The following CTSA variants were observed in gnomAD, a reference collection of about 807,000 sequenced individuals.
The protein encoded by CTSA is lysosomal protective protein.
Under a neutral mutation model 66.7 loss-of-function variants are expected in CTSA, and 42 were observed. The observed-to-expected ratio is 0.63, with a 90% CI of 0.49 to 0.81. The LOEUF is 0.81. Among genes scored for constraint, CTSA ranks in the 40% least tolerant of loss-of-function variants. The pLI is 0.00. For synonymous variants in CTSA, 225 were observed against 248.6 expected (o/e 0.91, Z 0.89); for missense variants, 525 against 610.9 (o/e 0.86, Z 1.48).
Position 45,895,219 on chromosome 20 carries a change from T to C in CTSA, c.1088+86T>C, listed in dbSNP as rs932396988. The C allele has an allele frequency of 2.0e-6, 3 of 1,530,134 alleles. No homozygotes were observed. The African/African-American group carries it at 4.1e-5, about 21-fold the overall frequency. The allele number at this position is 1,530,134 out of a possible 1,614,324, so 94.8% of individuals were successfully genotyped here. On this transcript the variant is annotated intron_variant, in intron 11 of 14. Coordinates refer to ENST00000646241, the MANE Select transcript of CTSA (RefSeq NM_000308.4). Reference sequence around the variant, plus strand: ...GCAGGTTTCTCAGGGATCTTCTGTGTAGAGTTTCTCAATGAGATGAGCTGT... The same window carrying C: ...GCAGGTTTCTCAGGGATCTTCTGTGCAGAGTTTCTCAATGAGATGAGCTGT...
chr20:45,897,123 C>T, intron 12 of CTSA, 83 bp downstream of exon 12: 1 of 1,103,832 alleles, frequency 9.1e-7, no homozygotes, highest in South Asian at 1.2e-5. Context: ...TTGAGACTTC[C>T]TGTCAGGACA....
chr20:45,892,209 G>C, intron 3 of CTSA, 64 bp from the exon 4 acceptor site: 2 of 1,556,246 alleles, frequency 1.3e-6, no homozygotes, highest in Non-Finnish European at 1.8e-6. Context: ...TGCCTCTCAT[G>C]GTGGCCCTTT....
Position 45,891,565 on chromosome 20 carries a change from G to T in CTSA, c.1-4G>T. 6.2e-7 allele frequency: 1 copy of T among 1,603,176 alleles called. No individual in the cohort carries two copies. The highest frequency in any genetic ancestry group is 8.5e-7 in the Non-Finnish European group (1 of 1,178,262). On this transcript the variant is annotated splice_polypyrimidine_tract_variant and splice_region_variant and intron_variant, in intron 1 of 14. Transcript: ENST00000646241. This position sits in a 1 kb window ranked among gnomAD's most constrained non-coding sequence, Gnocchi z 4.6. ...GTCAACAGCCCCTCTGCTGCCTCCC[G>T]TAGATGATCCGAGCCGCGCCGCCGC...
Position 45,898,563 on chromosome 20 carries a change from G to GC in CTSA, c.*118dup. The GC allele has an allele frequency of 9.5e-7, 1 of 1,050,472 alleles. No individual in the cohort carries two copies. Among genetic ancestry groups the GC allele is most frequent in the Non-Finnish European group, 1.4e-6 (1 of 700,468 alleles). 65.1% of individuals were successfully genotyped at this position (1,050,472 alleles called of 1,614,324 possible). A position where few individuals can be genotyped will look rare whatever the true frequency, so the allele number is the denominator to read the frequency against. ...CAGGCCGGGTTCTGCCGCCAGGACTGCCCCCTTCCCAGAGCCCTGTACATC... is the reference window on the plus strand; with the variant it reads ...CAGGCCGGGTTCTGCCGCCAGGACTGCCCCCCTTCCCAGAGCCCTGTACATC... On this transcript the variant is annotated 3_prime_UTR_variant, in exon 15 of 15. Coordinates refer to ENST00000646241, the MANE Select transcript of CTSA (RefSeq NM_000308.4). The surrounding 1 kb of genome is among the most constrained non-coding windows in gnomAD (Gnocchi z 4.6).
rs746603944 is a variant in CTSA, at chr20:45,897,748, T to C, written c.1196T>C (p.Val399Ala). The change falls in exon 13 of 15, where the codon GTA (valine) becomes GCA (alanine). Residue 399 changes from valine (V) to alanine (A), a missense_variant. Coordinates refer to ENST00000646241, the MANE Select transcript of CTSA (RefSeq NM_000308.4). ...KYQILLYNGDVDMACNFMGDE... is the reference protein window; with the variant it reads ...KYQILLYNGDADMACNFMGDE... ...CAGATCCTATTATATAATGGAGATG[T>C]AGACATGGCCTGCAATTTCATGGGG... 2 of 1,612,192 alleles carry C rather than the reference T, an allele frequency of 1.2e-6. No homozygotes were observed. The highest frequency in any genetic ancestry group is 8.5e-7 in the Non-Finnish European group (1 of 1,178,312).
chr20:45,896,054 G>A (rs147108172), intron 11 of CTSA, among the ~76,000 whole-genome samples: 2 of 152,158 alleles, frequency 1.3e-5, no homozygotes, highest in Admixed American at 1.3e-4. Flanking sequence ...AATTAGCCAG[G>A]TGTGCTGTTG....
chr20:45,893,926 GCCT>G (rs1987102772), intron 7 of CTSA, 59 bp from the exon 8 acceptor site: 5 of 1,037,012 alleles, frequency 4.8e-6, no homozygotes, highest in South Asian at 1.3e-5. Flanking sequence ...GGGTATGCTC[GCCT>G]CCTCTGCCTT....
Position 45,895,128 on chromosome 20 carries a change from G to A in CTSA, c.1083G>A (p.Met361Ile). ...NIPEQLPQWD[M>I]CNFLVNLQYR... ...CGGAGCAGCTGCCACAATGGGACAT[G>A]TGCAAGTGAGGTTCCGTGGCCACCT... The change falls in exon 11 of 15, where the codon ATG becomes ATA. Residue 361 changes from methionine (M) to isoleucine (I), a missense_variant. Physicochemically the swap from Met to Ile is conservative, Grantham distance 10. Around this residue, in one of 3 missense-constraint regions of CTSA, gnomAD observed 274 missense variants for 321.1 expected, o/e 0.85. Transcript: ENST00000646241. 1 of 1,614,134 alleles carries A rather than the reference G, an allele frequency of 6.2e-7. No homozygotes were observed. Among genetic ancestry groups the A allele is most frequent in the Non-Finnish European group, 8.5e-7 (1 of 1,180,020 alleles).
intron 3 of CTSA, 123 bp downstream of exon 3, chr20:45,892,150 C>A: frequency 2.1e-6 from 3 of 1,423,434 alleles, no homozygotes; most frequent in South Asian, 1.1e-5. Flanking sequence ...TCCTCTATGC[C>A]ATTGGCTTTG....
At position 45,895,415 on chromosome 20, in the gene CTSA, G is replaced by C. The variant is rs147960902; in HGVS notation, c.1088+282G>C. On this transcript the variant is annotated intron_variant, in intron 11 of 14. Coordinates refer to ENST00000646241, the MANE Select transcript of CTSA (RefSeq NM_000308.4). ...AGCTCACTGCAGCCTCAAACTCATGGGCTCAAGCAATCCTCCCACCTCCCC... is the reference window on the plus strand; with the variant it reads ...AGCTCACTGCAGCCTCAAACTCATGCGCTCAAGCAATCCTCCCACCTCCCC... Among the ~76,000 whole-genome samples, 970 of 152,126 alleles carry C rather than the reference G, an allele frequency of 6.4e-3. 5 individuals carry two copies. The highest frequency in any genetic ancestry group is 0.021 in the African/African-American group (878 of 41,496).
In CTSA at chr20:45,891,567, A is replaced by G. The variant is rs979557944; in HGVS notation, c.1-2A>G. 6.2e-6 allele frequency: 10 copies of G among 1,603,066 alleles called. No individual in the cohort carries two copies. The African/African-American group carries it at 1.3e-4, about 22-fold the overall frequency. On this transcript the variant is annotated splice_acceptor_variant, in intron 1 of 14. Transcript: ENST00000646241. LOFTEE classifies it low-confidence loss of function (5UTR_SPLICE). This position sits in a 1 kb window ranked among gnomAD's most constrained non-coding sequence, Gnocchi z 4.6. ...CAACAGCCCCTCTGCTGCCTCCCGT[A>G]GATGATCCGAGCCGCGCCGCCGCCG...
intron 6 of CTSA, 156 bp from the exon 7 acceptor site, chr20:45,893,064 C>G: frequency 1.1e-6 from 1 of 934,600 alleles, no homozygotes; most frequent in Non-Finnish European, 1.7e-6. Context: ...AGGCTGCCAG[C>G]TCTGTGTTTT....
Position 45,897,992 on chromosome 20 carries a change from C to T in CTSA, c.1255-13C>T, listed in dbSNP as rs1395677612. On this transcript the variant is annotated splice_polypyrimidine_tract_variant and intron_variant, in intron 13 of 14. Transcript: ENST00000646241. ...GCAGCTGCTGTAGGCTGATGTCTTT[C>T]CTGGTGGGGCAGATGGAGGTGCAGC... 1 of 1,613,690 alleles carries T rather than the reference C, an allele frequency of 6.2e-7. No individual in the cohort carries two copies.
At chr20:45,895,892 T>C (rs2083100027) in intron 11 of CTSA, among the ~76,000 whole-genome samples, 1 of 152,158 alleles carries the variant, frequency 6.6e-6, no homozygotes. Flanking sequence ...GCCATCACAT[T>C]GGTTAATAAC....
At position 45,897,803 on chromosome 20, in the gene CTSA, G is replaced by A. The variant is rs774575950; in HGVS notation, c.1251G>A (p.Gln417=). Residue 417 remains glutamine (Q), a synonymous_variant, in exon 13 of 15, where the codon CAG becomes CAA. Transcript: ENST00000646241. ...AGTGGTTTGTGGATTCCCTCAACCA[G>A]AAGGTAAGGTAGAGATTCCTGGCCC... ...GDEWFVDSLN[Q]KMEVQRRPWL... 3 of 1,607,710 alleles carry A rather than the reference G, an allele frequency of 1.9e-6. No individual in the cohort carries two copies. The highest frequency in any genetic ancestry group is 2.6e-6 in the Non-Finnish European group (3 of 1,174,200).
At position 45,892,391 on chromosome 20, in the gene CTSA, C is replaced by T. The variant is rs763209771; in HGVS notation, c.358-7C>T. 2 of 1,613,966 alleles carry T rather than the reference C, an allele frequency of 1.2e-6. No individual in the cohort carries two copies. The highest frequency in any genetic ancestry group is 1.3e-5 in the African/African-American group (1 of 74,898). On this transcript the variant is annotated splice_polypyrimidine_tract_variant and splice_region_variant and intron_variant, in intron 4 of 14. Coordinates refer to ENST00000646241, the MANE Select transcript of CTSA (RefSeq NM_000308.4). Reference sequence around the variant, plus strand: ...TGGCATTTAGCTAATTTTTCCCTCCCCTCTAGATTGCCAATGTGTTATACC... The same window carrying T: ...TGGCATTTAGCTAATTTTTCCCTCCTCTCTAGATTGCCAATGTGTTATACC...
intron 11 of CTSA, chr20:45,895,362 C>T (rs1987196546): frequency 1.9e-6 from 1 of 537,824 alleles, no homozygotes; most frequent in Non-Finnish European, 3.3e-6. Flanking sequence ...ACTCTGTCAC[C>T]TAGGCTGGAG....
rs1025670089 is a variant in CTSA, at chr20:45,892,141, C to T, written c.306+114C>T. On this transcript the variant is annotated intron_variant, in intron 3 of 14. Coordinates refer to ENST00000646241, the MANE Select transcript of CTSA (RefSeq NM_000308.4). ...CCTTCCTTCTAAGCCTCGGGATTTTCCTCTATGCCATTGGCTTTGCTGCCT... is the reference window on the plus strand; with the variant it reads ...CCTTCCTTCTAAGCCTCGGGATTTTTCTCTATGCCATTGGCTTTGCTGCCT... 4.2e-6 allele frequency: 6 copies of T among 1,424,458 alleles called. No homozygotes were observed. In the Admixed American group the frequency reaches 1.0e-4, roughly 24 times the overall value. The allele number at this position is 1,424,458 out of a possible 1,614,324, so 88.2% of individuals were successfully genotyped here.
In CTSA at chr20:45,891,785, C is replaced by T; in HGVS notation, c.194+23C>T. 1 of 1,613,662 alleles carries T rather than the reference C, an allele frequency of 6.2e-7. No homozygotes were observed. Among genetic ancestry groups the T allele is most frequent in the Non-Finnish European group, 8.5e-7 (1 of 1,179,902 alleles). ...CTGGTCTGCCGCCCTGCCTTCTGGG[C>T]GGGATTGGGAGAAGAGATGACGGAT... On this transcript the variant is annotated intron_variant, in intron 2 of 14. Coordinates refer to ENST00000646241, the MANE Select transcript of CTSA (RefSeq NM_000308.4). This position sits in a 1 kb window ranked among gnomAD's most constrained non-coding sequence, Gnocchi z 4.6.
Sources: allele counts gnomAD v4.1 joint callset (sites outside exome capture counted in the v4.1 genomes callset), GRCh38; gene constraint gnomAD v4.1.1; regional missense constraint gnomAD v4.1.1; non-coding constraint Gnocchi (gnomAD v3.1); transcripts MANE v1.5; gene names NCBI Gene and HGNC (gene_info 2026-07-23, HGNC 2026-07-21).